The following DCAF1 variants were observed in gnomAD, a reference collection of about 807,000 sequenced individuals.
The protein encoded by DCAF1 is DDB1 and CUL4 associated factor 1.
DCAF1 carries 15 observed loss-of-function variants against 128.0 expected under a neutral mutation model. That is an observed-to-expected ratio of 0.12 (90% CI 0.08 to 0.18). DCAF1 has a LOEUF of 0.18. DCAF1 is among the 10% of genes least tolerant of loss of function. The probability of loss-of-function intolerance (pLI) is 1.00; values close to 1 mark genes in which losing one functional copy is unlikely to be tolerated. For missense variants in DCAF1, 988 were observed against 1,649.5 expected, an observed-to-expected ratio of 0.60 and a Z score of 6.95; for synonymous variants, 610 against 603.0, an observed-to-expected ratio of 1.01 and a Z score of -0.17.
At chr3:51,480,902 C>G (rs1191298279) in intron 3 of DCAF1, among the ~76,000 whole-genome samples, 1 of 152,052 alleles carries the variant, frequency 6.6e-6, no homozygotes, top group Non-Finnish European at 1.5e-5. Flanking sequence ...CATACTATGT[C>G]TTTTTATTGG....
intron 4 of DCAF1, among the ~76,000 whole-genome samples, chr3:51,468,922 T>C (rs1283423234): frequency 1.3e-5 from 2 of 152,216 alleles, no homozygotes; most frequent in Non-Finnish European, 2.9e-5. Context: ...TTCATAATCC[T>C]ATGCATTAAC....
intron 4 of DCAF1, among the ~76,000 whole-genome samples, chr3:51,469,336 T>C (rs1553647627): frequency 6.6e-6 from 1 of 151,052 alleles, no homozygotes; most frequent in Admixed American, 6.7e-5. Context: ...GTTCAAGCGA[T>C]TCTCCTGCCT....
rs782490529 is a variant in DCAF1, at chr3:51,420,406, C to T, written c.2564G>A (p.Arg855Gln). The stretch of plus-strand genomic sequence containing the variant: ...AAGCCCTTTAGAAATAAGATGGTTT[C>T]GTATCAACAAAAGCAGCTCTTTCTC... ...FPEKELLLLI[R>Q]NHLISKGLGE... The change falls in exon 15 of 25, where the codon CGA becomes CAA. Residue 855 changes from arginine to glutamine, a missense_variant. By Grantham distance (43) the Arg-to-Gln change is conservative. This residue lies in a region of DCAF1 where 76 missense variants were observed against 186.9 expected (regional missense o/e 0.41). Coordinates refer to ENST00000684031, the MANE Select transcript of DCAF1 (RefSeq NM_001387579.1). This position sits in a 1 kb window ranked among gnomAD's most constrained non-coding sequence, Gnocchi z 6.5. The T allele has an allele frequency of 1.9e-6, 3 of 1,613,990 alleles. No homozygotes were observed. Among genetic ancestry groups the T allele is most frequent in the Non-Finnish European group, 1.7e-6 (2 of 1,179,908 alleles).
chr3:51,404,753 T>C (rs573787733), intron 23 of DCAF1, among the ~76,000 whole-genome samples: 7 of 152,240 alleles, frequency 4.6e-5, no homozygotes, highest in Non-Finnish European at 8.8e-5. Context: ...GTGGGAGCAT[T>C]TGTGTATGTG....
chr3:51,460,009 C>T (rs1215096711), intron 6 of DCAF1, among the ~76,000 whole-genome samples: 11 of 152,150 alleles, frequency 7.2e-5, no homozygotes, highest in Non-Finnish European at 1.2e-4. Context: ...GACAGGGATG[C>T]CCTCTCTCAC....
chr3:51,462,745 C>CAAA (rs10715121), intron 6 of DCAF1, among the ~76,000 whole-genome samples: 14 of 79,304 alleles, frequency 1.8e-4, no homozygotes, highest in South Asian at 4.2e-4. Flanking sequence ...GACACCATCT[C>CAAA]AAAAAAAAAA....
chr3:51,488,091 C>G (rs1331723527), intron 2 of DCAF1, among the ~76,000 whole-genome samples: 1 of 151,970 alleles, frequency 6.6e-6, no homozygotes, highest in Non-Finnish European at 1.5e-5. Context: ...TCTTGAACTC[C>G]TGACCTCACA....
chr3:51,440,336 G>A (rs1701250736), intron 9 of DCAF1, among the ~76,000 whole-genome samples: 1 of 152,142 alleles, frequency 6.6e-6, no homozygotes, highest in Admixed American at 6.5e-5. Flanking sequence ...GTGACACAGG[G>A]TATGGTGGCT....
At chr3:51,405,574 T>C (rs560572797) in intron 23 of DCAF1, among the ~76,000 whole-genome samples, 1 of 152,356 alleles carries the variant, frequency 6.6e-6, no homozygotes, top group East Asian at 1.9e-4. Flanking sequence ...CTTTGTCGTC[T>C]CTACTTTGTA....
chr3:51,413,874 T>C, intron 20 of DCAF1, 76 bp downstream of exon 20: 1 of 1,344,298 alleles, frequency 7.4e-7, no homozygotes, highest in East Asian at 2.9e-5. Context: ...TGAGAGATGG[T>C]TCCAAAAAGA....
rs782621477 is a variant in DCAF1, at chr3:51,420,425, C to G, written c.2545G>C (p.Glu849Gln). Residue 849 changes from glutamate to glutamine, a missense_variant, in exon 15 of 25, where the codon GAG becomes CAG. Glu to Gln is a conservative substitution (Grantham distance 29). Around this residue, in one of 11 missense-constraint regions of DCAF1, gnomAD observed 76 missense variants for 186.9 expected, o/e 0.41. Coordinates refer to ENST00000684031, the MANE Select transcript of DCAF1 (RefSeq NM_001387579.1). The surrounding 1 kb of genome is among the most constrained non-coding windows in gnomAD (Gnocchi z 6.5). ...AQSRISFPEK[E>Q]LLLLIRNHLI... ...TGGTTTCGTATCAACAAAAGCAGCT[C>G]TTTCTCAGGGAAGGAGATCCTTGAC... The G allele has an allele frequency of 1.2e-6, 2 of 1,614,062 alleles. No homozygotes were observed. Among genetic ancestry groups the G allele is most frequent in the Non-Finnish European group, 1.7e-6 (2 of 1,179,902 alleles).
chr3:51,454,968 C>T (rs940556047), intron 6 of DCAF1, among the ~76,000 whole-genome samples: 27 of 152,210 alleles, frequency 1.8e-4, no homozygotes, highest in African/African-American at 5.3e-4. Flanking sequence ...CCGCCACGCC[C>T]GGCCTACCCA....
At chr3:51,482,304 GT>G (rs1424870122) in intron 3 of DCAF1, among the ~76,000 whole-genome samples, 1 of 150,668 alleles carries the variant, frequency 6.6e-6, no homozygotes, top group Non-Finnish European at 1.5e-5. Flanking sequence ...AATTAGTCAG[GT>G]GTGGTGGTGC....
At chr3:51,408,268 G>A (rs1267563484) in intron 23 of DCAF1, among the ~76,000 whole-genome samples, 2 of 152,126 alleles carry the variant, frequency 1.3e-5, no homozygotes, top group African/African-American at 4.8e-5. Flanking sequence ...ATTATATCTC[G>A]ATAAAGCTCT....
chr3:51,485,885 ATTTTTTTT>A (rs10536057), intron 2 of DCAF1, among the ~76,000 whole-genome samples: 2 of 136,780 alleles, frequency 1.5e-5, no homozygotes, highest in Admixed American at 7.3e-5. Context: ...AAGATTATTT[ATTTTTTTT>A]TTTTTTTTTT....
intron 6 of DCAF1, among the ~76,000 whole-genome samples, chr3:51,444,767 T>C (rs1411942423): frequency 6.6e-6 from 1 of 152,056 alleles, no homozygotes; most frequent in Non-Finnish European, 1.5e-5. Flanking sequence ...GCTCTGCCTC[T>C]TGGGTTCACA....
chr3:51,439,429 G>A (rs1474347333), intron 9 of DCAF1, among the ~76,000 whole-genome samples: 1 of 141,370 alleles, frequency 7.1e-6, no homozygotes, highest in Non-Finnish European at 1.5e-5. Flanking sequence ...TGCCTGGCCT[G>A]TCTGCTATTT....
In DCAF1 at chr3:51,419,723, C is replaced by T. The variant is rs1553631681; in HGVS notation, c.3236+11G>A. On this transcript the variant is annotated intron_variant, in intron 15 of 24. Coordinates refer to ENST00000684031, the MANE Select transcript of DCAF1 (RefSeq NM_001387579.1). ...CCAATTCCCAGGGAGTAAGAAGGGG[C>T]CTCTTCTTACCTGCTAAAGATAAGG... The T allele has an allele frequency of 6.3e-7, 1 of 1,587,620 alleles. No individual in the cohort carries two copies. Among genetic ancestry groups the T allele is most frequent in the East Asian group, 2.2e-5 (1 of 44,532 alleles).
intron 2 of DCAF1, among the ~76,000 whole-genome samples, chr3:51,490,641 C>G (rs2108513035): frequency 6.6e-6 from 1 of 152,082 alleles, no homozygotes; most frequent in African/African-American, 2.4e-5. Context: ...ATCCCAATGA[C>G]AAACCAGGCA....
Sources: gnomAD v4.1 joint callset for allele counts (sites outside exome capture counted in the v4.1 genomes callset) on GRCh38, gnomAD v4.1.1 for gene constraint, gnomAD v4.1.1 regional missense constraint, Gnocchi (gnomAD v3.1) non-coding constraint, MANE v1.5 for transcripts, NCBI Gene and HGNC (gene_info 2026-07-23, HGNC 2026-07-21) for gene names.